The following RAD21 variants were observed in gnomAD, a reference collection of about 807,000 sequenced individuals.
The protein encoded by RAD21 is double-strand-break repair protein rad21 homolog.
A neutral mutation model predicts 71.5 loss-of-function variants in RAD21; 18 were observed. The observed-to-expected ratio is 0.25, with a 90% confidence interval of 0.17 to 0.37. The LOEUF (loss-of-function observed/expected upper bound fraction) is 0.37. Among genes scored for constraint, RAD21 ranks in the 10% least tolerant of loss-of-function variants. RAD21 has a pLI of 1.00. For missense variants in RAD21, 493 were observed against 769.1 expected (o/e 0.64, Z 4.25); for synonymous variants, 248 against 254.0 (o/e 0.98, Z 0.22).
At position 116,850,590 on chromosome 8, in the gene RAD21, C is replaced by T. The variant is rs777765769; in HGVS notation, c.1620+28G>A. On this transcript the variant is annotated intron_variant, in intron 12 of 13. Transcript: ENST00000297338. ...AGCTGGTTGGAGGTTTTTGCTAAAT[C>T]TGGAATGAAAATTATTAATTAGTTT... 22 of 1,598,912 alleles carry T rather than the reference C, an allele frequency of 1.4e-5. No individual in the cohort carries two copies. The East Asian group carries it at 4.9e-4, about 36-fold the overall frequency.
intron 1 of RAD21, among the ~76,000 whole-genome samples, chr8:116,871,959 G>GTGATATGAAAAATTA (rs1316095744): frequency 6.6e-6 from 1 of 152,172 alleles, no homozygotes; most frequent in East Asian, 1.9e-4. Context: ...CCATCAATAA[G>GTGATATGAAAAATTA]TGATATGAAA....
At position 116,846,604 on chromosome 8, in the gene RAD21, A is replaced by C; in HGVS notation, c.*896T>G. 8.8e-6 allele frequency: 2 copies of C among 228,426 alleles called. No homozygotes were observed. The highest frequency in any genetic ancestry group is 1.7e-5 in the Non-Finnish European group (2 of 114,740). 14.1% of individuals were successfully genotyped at this position (228,426 alleles called of 1,614,324 possible). A position where few individuals can be genotyped will look rare whatever the true frequency, so the allele number is the denominator to read the frequency against. On this transcript the variant is annotated 3_prime_UTR_variant, in exon 14 of 14. Transcript: ENST00000297338. Reference sequence around the variant, plus strand: ...AGTTTTTACAGCATCGTCTGCTTAAAAGCTAAGTTGACCAGGTGCATAATT... The same window carrying C: ...AGTTTTTACAGCATCGTCTGCTTAACAGCTAAGTTGACCAGGTGCATAATT...
intron 2 of RAD21, among the ~76,000 whole-genome samples, 167 bp downstream of exon 2, chr8:116,866,419 T>C (rs946620074): frequency 6.6e-6 from 1 of 152,168 alleles, no homozygotes; most frequent in African/African-American, 2.4e-5. Flanking sequence ...TCTGTAATCA[T>C]ATCAAGTCTA....
rs1812492321 is a variant in RAD21, at chr8:116,857,435, C to A, written c.520G>T (p.Gly174Cys). 3.7e-6 allele frequency: 6 copies of A among 1,613,370 alleles called. No homozygotes were observed. Among genetic ancestry groups the A allele is most frequent in the Non-Finnish European group, 5.1e-6 (6 of 1,179,696 alleles). ...GMDDREIMREGSAFEDDDMLV... is the reference protein window; with the variant it reads ...GMDDREIMRECSAFEDDDMLV... Reference sequence around the variant, plus strand: ...ATGTCGTCATCCTCAAAAGCACTGCCTTCTCTCATTATCTCACGATCATCC... The same window carrying A: ...ATGTCGTCATCCTCAAAAGCACTGCATTCTCTCATTATCTCACGATCATCC... The change falls in exon 6 of 14, where the codon GGC (glycine) becomes TGC (cysteine). Residue 174 changes from glycine (G) to cysteine (C), a missense_variant. By Grantham distance (159) the Gly-to-Cys change is radical (BLOSUM62 -3). Transcript: ENST00000297338.
At chr8:116,850,538 T>C (rs955837817) in intron 12 of RAD21, 80 bp downstream of exon 12, 13 of 1,549,812 alleles carry the variant, frequency 8.4e-6, no homozygotes, top group South Asian at 6.2e-5. Flanking sequence ...TCAGCATCAA[T>C]TAAGTTAGCC....
At chr8:116,863,782 G>A (rs960753148) in intron 2 of RAD21, among the ~76,000 whole-genome samples, 3 of 152,016 alleles carry the variant, frequency 2.0e-5, no homozygotes, top group Admixed American at 2.0e-4. Flanking sequence ...CTTGCTTGGT[G>A]CTTCATGCAG....
At chr8:116,872,946 C>A (rs575494064) in intron 1 of RAD21, among the ~76,000 whole-genome samples, 19 of 152,238 alleles carry the variant, frequency 1.2e-4, no homozygotes, top group Admixed American at 3.9e-4. Flanking sequence ...TGTTTTGTAA[C>A]GGTGAATAAG....
At chr8:116,869,185 G>GA (rs1247963196) in intron 1 of RAD21, among the ~76,000 whole-genome samples, 1 of 151,898 alleles carries the variant, frequency 6.6e-6, no homozygotes, top group Non-Finnish European at 1.5e-5. Context: ...ATAGACTGGG[G>GA]AAAAAATATT....
rs146660374 is a variant in RAD21, at chr8:116,849,874, T to C, written c.1620+744A>G. On this transcript the variant is annotated intron_variant, in intron 12 of 13. Coordinates refer to ENST00000297338, the MANE Select transcript of RAD21 (RefSeq NM_006265.3). The stretch of plus-strand genomic sequence containing the variant: ...CAGATGCTACTGAAAATTTATCCAA[T>C]CCATAACCTTTTTTGGTCTTGAAGA... 3.3e-5 allele frequency among the ~76,000 whole-genome samples: 5 copies of C among 152,286 alleles called. No individual in the cohort carries two copies. The East Asian group carries it at 9.6e-4, about 29-fold the overall frequency.
chr8:116,855,299 G>A (rs1414997138), intron 8 of RAD21, among the ~76,000 whole-genome samples: 2 of 152,080 alleles, frequency 1.3e-5, no homozygotes, highest in Non-Finnish European at 2.9e-5. Flanking sequence ...AAATTACACT[G>A]TAATCAATTT....
chr8:116,855,586 C>T (rs1194247560), intron 8 of RAD21, among the ~76,000 whole-genome samples: 2 of 152,050 alleles, frequency 1.3e-5, no homozygotes, highest in Non-Finnish European at 2.9e-5. Context: ...CTTGAAGAGA[C>T]AGGTCTTACT....
At chr8:116,852,383 G>T in intron 10 of RAD21, 166 bp downstream of exon 10, 1 of 771,842 alleles carries the variant, frequency 1.3e-6, no homozygotes. Flanking sequence ...TGGAAAGACA[G>T]GAGGCTTCAT....
At position 116,854,542 on chromosome 8, in the gene RAD21, T is replaced by G. The variant is rs1424150012; in HGVS notation, c.938-74A>C. The stretch of plus-strand genomic sequence containing the variant: ...GAACACACAGCTACAAGATCTGGAC[T>G]GACTATATTCCCCTGCTTTTCTACA... On this transcript the variant is annotated intron_variant, in intron 8 of 13. Coordinates refer to ENST00000297338, the MANE Select transcript of RAD21 (RefSeq NM_006265.3). The G allele has an allele frequency of 3.6e-6, 4 of 1,118,524 alleles. No individual in the cohort carries two copies. In the African/African-American group the frequency reaches 4.7e-5, roughly 13 times the overall value. The allele number at this position is 1,118,524 out of a possible 1,614,324, so 69.3% of individuals were successfully genotyped here.
Position 116,863,269 on chromosome 8 carries a change from A to C in RAD21, c.145-10T>G. ...GTAATGCCATTTTCACCTATGAATAAAACATTAATCATATTCCAAAACCTG... is the reference window on the plus strand; with the variant it reads ...GTAATGCCATTTTCACCTATGAATACAACATTAATCATATTCCAAAACCTG... On this transcript the variant is annotated splice_polypyrimidine_tract_variant and intron_variant, in intron 2 of 13. Transcript: ENST00000297338. 6.2e-7 allele frequency: 1 copy of C among 1,605,676 alleles called. No individual in the cohort carries two copies. The highest frequency in any genetic ancestry group is 8.5e-7 in the Non-Finnish European group (1 of 1,174,560).
At chr8:116,864,570 T>TA (rs1368229470) in intron 2 of RAD21, among the ~76,000 whole-genome samples, 15 of 152,054 alleles carry the variant, frequency 9.9e-5, no homozygotes, top group Non-Finnish European at 1.8e-4. Flanking sequence ...TCCCTAATTT[T>TA]AAAAAAATTC....
In RAD21 at chr8:116,845,942, A is replaced by G. The variant is rs1214870256; in HGVS notation, c.*1558T>C. ...ATGAATACTCAAAAAAGTACAGCTT[A>G]TAACACAACTTTTATTAGAAAAGTT... On this transcript the variant is annotated 3_prime_UTR_variant, in exon 14 of 14. Coordinates refer to ENST00000297338, the MANE Select transcript of RAD21 (RefSeq NM_006265.3). 1 of 222,490 alleles carries G rather than the reference A, an allele frequency of 4.5e-6. No homozygotes were observed. The highest frequency in any genetic ancestry group is 9.0e-6 in the Non-Finnish European group (1 of 111,242). The allele number at this position is 222,490 out of a possible 1,614,324, so 13.8% of individuals were successfully genotyped here.
chr8:116,860,875 GATT>G (rs1438666592), intron 4 of RAD21, among the ~76,000 whole-genome samples: 1 of 152,102 alleles, frequency 6.6e-6, no homozygotes, highest in Non-Finnish European at 1.5e-5. Context: ...GATGAAATAA[GATT>G]ATTGTTACTT....
At chr8:116,860,711 T>A (rs1211847650) in intron 4 of RAD21, among the ~76,000 whole-genome samples, 1 of 152,170 alleles carries the variant, frequency 6.6e-6, no homozygotes, top group Non-Finnish European at 1.5e-5. Flanking sequence ...CCCAAAAATT[T>A]GTGTAACTTG....
intron 13 of RAD21, 140 bp from the exon 14 acceptor site, chr8:116,847,831 G>GT: frequency 1.2e-6 from 1 of 821,692 alleles, no homozygotes; most frequent in Non-Finnish European, 1.9e-6. Flanking sequence ...ATGGAGCCTA[G>GT]TGAGGTGTTT....
Sources: allele counts gnomAD v4.1 joint callset (sites outside exome capture counted in the v4.1 genomes callset), GRCh38; gene constraint gnomAD v4.1.1; transcripts MANE v1.5; gene names NCBI Gene and HGNC (gene_info 2026-07-23, HGNC 2026-07-21).